Variants in CADPS observed in about 807,000 individuals in gnomAD.
CADPS encodes the protein calcium dependent secretion activator.
In CADPS, 57 loss-of-function variants were observed where a neutral mutation model predicts 167.3. The observed-to-expected ratio is 0.34, with a 90% CI of 0.28 to 0.42. The LOEUF is 0.42. CADPS is among the 20% of genes least tolerant of loss of function. CADPS has a pLI of 1.00. For synonymous variants in CADPS, 676 were observed against 635.3 expected, an observed-to-expected ratio of 1.06 and a Z score of -0.96; for missense variants, 1,414 against 1,738.1, an observed-to-expected ratio of 0.81 and a Z score of 3.32.
intron 3 of CADPS, among the ~76,000 whole-genome samples, chr3:62,663,380 A>G (rs1337288915): frequency 6.6e-6 from 1 of 152,156 alleles, no homozygotes; most frequent in Non-Finnish European, 1.5e-5. Context: ...ATTATTTCCA[A>G]GCAACCCCAG....
chr3:62,691,387 G>A (rs183892874), intron 3 of CADPS, among the ~76,000 whole-genome samples: 1 of 152,086 alleles, frequency 6.6e-6, no homozygotes, highest in East Asian at 1.9e-4. Flanking sequence ...CATTCTGTTG[G>A]GGGATGTTGG....
chr3:62,793,253 A>G (rs1449556836), intron 1 of CADPS, among the ~76,000 whole-genome samples: 1 of 150,788 alleles, frequency 6.6e-6, no homozygotes, highest in Non-Finnish European at 1.5e-5. Context: ...AATATGGTGT[A>G]GAATGTGGCA....
In CADPS at chr3:62,412,600, T is replaced by C. The variant is rs1223559885; in HGVS notation, c.3778-9415A>G. On this transcript the variant is annotated intron_variant, in intron 28 of 29. Transcript: ENST00000383710. The surrounding 1 kb of genome is among the most constrained non-coding windows in gnomAD (Gnocchi z 4.1). ...TCTATTAATGACCAAATTCCAACTC[T>C]GTAAAATGTGTAATAAGTAATTCTT... Among the ~76,000 whole-genome samples the C allele has an allele frequency of 6.6e-6, 1 of 152,174 alleles. No homozygotes were observed. The highest frequency in any genetic ancestry group is 2.4e-5 in the African/African-American group (1 of 41,446).
chr3:62,791,138 T>C (rs1367349255), intron 1 of CADPS, among the ~76,000 whole-genome samples: 2 of 152,160 alleles, frequency 1.3e-5, no homozygotes, highest in African/African-American at 4.8e-5. Context: ...GATATGAATG[T>C]AACTGGGAAT....
At chr3:62,775,413 G>A (rs1300088116) in intron 1 of CADPS, among the ~76,000 whole-genome samples, 1 of 151,976 alleles carries the variant, frequency 6.6e-6, no homozygotes, top group Admixed American at 6.6e-5. Context: ...AATTCAGTGA[G>A]TTATGTTAAT....
At chr3:62,732,532 G>A (rs916227637) in intron 3 of CADPS, among the ~76,000 whole-genome samples, 7 of 152,188 alleles carry the variant, frequency 4.6e-5, no homozygotes, top group African/African-American at 1.7e-4. Flanking sequence ...CTCAAAAATT[G>A]TAAGATAAGA....
rs551866021 is a variant in CADPS, at chr3:62,729,146, G to A, written c.888+24295C>T. ...TGACAGCATCCAAAAGGTTCACATT[G>A]CTGACTCCACTACCTGATTTAGTGT... On this transcript the variant is annotated intron_variant, in intron 3 of 29. Coordinates refer to ENST00000383710, the MANE Select transcript of CADPS (RefSeq NM_003716.4). Among the ~76,000 whole-genome samples, 4 of 151,996 alleles carry A rather than the reference G, an allele frequency of 2.6e-5. No homozygotes were observed. In the East Asian group the frequency reaches 7.7e-4, roughly 29 times the overall value.
intron 13 of CADPS, among the ~76,000 whole-genome samples, chr3:62,531,211 T>C (rs1300997336): frequency 8.3e-6 from 1 of 121,152 alleles, no homozygotes; most frequent in Non-Finnish European, 1.8e-5. Flanking sequence ...ACCCAGAGAA[T>C]ATAATGCAAC....
chr3:62,561,354 G>A (rs528023760), intron 9 of CADPS, among the ~76,000 whole-genome samples: 38 of 152,010 alleles, frequency 2.5e-4, no homozygotes, highest in African/African-American at 8.2e-4. Context: ...CTGGGCTTAA[G>A]TGATCTTCCT....
At chr3:62,598,698 T>C (rs912625142) in intron 6 of CADPS, among the ~76,000 whole-genome samples, 4 of 152,192 alleles carry the variant, frequency 2.6e-5, no homozygotes, top group Non-Finnish European at 4.4e-5. Context: ...CTGGGTAATA[T>C]GTTCAGGGTC....
intron 8 of CADPS, among the ~76,000 whole-genome samples, chr3:62,576,313 C>T (rs1399852756): frequency 6.6e-6 from 1 of 152,194 alleles, no homozygotes; most frequent in East Asian, 1.9e-4. Flanking sequence ...TTTCCTTTGG[C>T]TTAGCTGCCC....
intron 1 of CADPS, among the ~76,000 whole-genome samples, chr3:62,805,159 C>T (rs1295866914): frequency 6.6e-6 from 1 of 152,108 alleles, no homozygotes. Context: ...CCAAAAATAC[C>T]TCCTGACACT....
intron 1 of CADPS, among the ~76,000 whole-genome samples, chr3:62,776,420 C>G (rs965238618): frequency 4.6e-5 from 7 of 152,088 alleles, no homozygotes; most frequent in Non-Finnish European, 7.4e-5. Flanking sequence ...TTCGGCGGGC[C>G]GAAGCAGGCG....
At chr3:62,662,067 T>C (rs1196282756) in intron 4 of CADPS, among the ~76,000 whole-genome samples, 1 of 152,148 alleles carries the variant, frequency 6.6e-6, no homozygotes, top group Admixed American at 6.5e-5. Context: ...GAGCTATGTG[T>C]CTGGAACTCA....
intron 6 of CADPS, among the ~76,000 whole-genome samples, chr3:62,636,280 A>G (rs2066284038): frequency 6.6e-6 from 1 of 152,222 alleles, no homozygotes; most frequent in African/African-American, 2.4e-5. Context: ...GATTCAAAGT[A>G]GGGGTTGTAT....
Position 62,481,649 on chromosome 3 carries a change from T to C in CADPS, c.3173+74A>G, listed in dbSNP as rs930045591. 56 of 1,351,230 alleles carry C rather than the reference T, an allele frequency of 4.1e-5. No individual in the cohort carries two copies. The African/African-American group carries it at 8.1e-4, about 19-fold the overall frequency. 83.7% of individuals were successfully genotyped at this position (1,351,230 alleles called of 1,614,324 possible). A position where few individuals can be genotyped will look rare whatever the true frequency, so the allele number is the denominator to read the frequency against. On this transcript the variant is annotated intron_variant, in intron 22 of 29. Transcript: ENST00000383710. The stretch of plus-strand genomic sequence containing the variant: ...CTCCATCTCTGTTATATAGGATGTA[T>C]AGAAATAAACAATACATATCCATGC...
chr3:62,739,190 C>T (rs369103229), intron 3 of CADPS, among the ~76,000 whole-genome samples: 4 of 152,148 alleles, frequency 2.6e-5, no homozygotes, highest in Admixed American at 2.0e-4. Flanking sequence ...CACACTTTTA[C>T]TTAAAACCCT....
intron 1 of CADPS, among the ~76,000 whole-genome samples, chr3:62,837,740 C>G (rs2076097064): frequency 6.6e-6 from 1 of 152,180 alleles, no homozygotes; most frequent in Non-Finnish European, 1.5e-5. Context: ...TAAGTCAATA[C>G]AGATTTAAAT....
In CADPS at chr3:62,490,944, T is replaced by C. The variant is rs1372851468; in HGVS notation, c.3026+395A>G. Among the ~76,000 whole-genome samples, 10 of 152,292 alleles carry C rather than the reference T, an allele frequency of 6.6e-5. No individual in the cohort carries two copies. The East Asian group carries it at 1.9e-3, about 29-fold the overall frequency. ...CCTAAGTATATAGTATATGGCCTTT[T>C]ATAGAAAAAGTTTGCTGACCTCCCT... On this transcript the variant is annotated intron_variant, in intron 21 of 29. Transcript: ENST00000383710.
Sources: allele counts gnomAD v4.1 joint callset (sites outside exome capture counted in the v4.1 genomes callset), GRCh38; gene constraint gnomAD v4.1.1; non-coding constraint Gnocchi (gnomAD v3.1); transcripts MANE v1.5; gene names NCBI Gene and HGNC (gene_info 2026-07-23, HGNC 2026-07-21).